KCNH1: variants seen among roughly 807,000 people sequenced by gnomAD.
KCNH1 encodes potassium voltage-gated channel subfamily H member 1, also known as voltage-gated delayed rectifier potassium channel KCNH1.
A neutral mutation model predicts 69.2 loss-of-function variants in KCNH1; 27 were observed. The ratio of observed to expected loss-of-function variants is 0.39; its 90% CI spans 0.29 to 0.54. KCNH1 has a LOEUF of 0.54. Among genes scored for constraint, KCNH1 ranks in the 20% least tolerant of loss-of-function variants. The probability of loss-of-function intolerance (pLI) is 0.68; values close to 1 mark genes in which losing one functional copy is unlikely to be tolerated. For missense variants in KCNH1, 798 were observed against 1,261.6 expected, an observed-to-expected ratio of 0.63 and a Z score of 5.57; for synonymous variants, 456 against 487.7, an observed-to-expected ratio of 0.93 and a Z score of 0.86.
chr1:210,892,455 C>T (rs1686770236), intron 7 of KCNH1, among the ~76,000 whole-genome samples: 1 of 152,132 alleles, frequency 6.6e-6, no homozygotes, highest in African/African-American at 2.4e-5. Context: ...CCTTCCTTGT[C>T]TCTCAGAGGC....
At chr1:211,049,619 T>A (rs1690157237) in intron 5 of KCNH1, among the ~76,000 whole-genome samples, 1 of 152,132 alleles carries the variant, frequency 6.6e-6, no homozygotes, top group African/African-American at 2.4e-5. Context: ...AGTTTCATAG[T>A]CAAAGTGCTC....
intron 7 of KCNH1, among the ~76,000 whole-genome samples, chr1:210,848,366 C>T (rs1362274384): frequency 6.6e-6 from 1 of 152,044 alleles, no homozygotes; most frequent in East Asian, 1.9e-4. Context: ...TTTCCTTGAC[C>T]CTTGTCTTTA....
intron 6 of KCNH1, among the ~76,000 whole-genome samples, chr1:211,015,208 T>C (rs1214668054): frequency 6.6e-6 from 1 of 152,172 alleles, no homozygotes; most frequent in Non-Finnish European, 1.5e-5. Context: ...CTCTACCACA[T>C]TCAGCCAAGC....
chr1:210,845,048 T>C (rs1167000221), intron 7 of KCNH1, among the ~76,000 whole-genome samples: 3 of 152,136 alleles, frequency 2.0e-5, no homozygotes, highest in Non-Finnish European at 4.4e-5. Context: ...AATCTCTGAA[T>C]AGACCAATAA....
intron 1 of KCNH1, among the ~76,000 whole-genome samples, chr1:211,120,165 T>C (rs1017718089): frequency 6.6e-6 from 1 of 152,026 alleles, no homozygotes. Context: ...AATCAATCCA[T>C]TGAATTGATT....
At chr1:210,740,098 CAG>C (rs771732934) in intron 10 of KCNH1, among the ~76,000 whole-genome samples, 1 of 152,098 alleles carries the variant, frequency 6.6e-6, no homozygotes, top group Non-Finnish European at 1.5e-5. Flanking sequence ...GAAACCTACT[CAG>C]GGATTTGAAG....
intron 7 of KCNH1, chr1:210,861,429 C>G: frequency 1.3e-6 from 1 of 776,706 alleles, no homozygotes; most frequent in Non-Finnish European, 2.4e-6. Flanking sequence ...TCATTATACT[C>G]CTAGGAAACA....
intron 10 of KCNH1, among the ~76,000 whole-genome samples, chr1:210,691,700 G>T (rs1681530681): frequency 6.6e-6 from 1 of 152,236 alleles, no homozygotes; most frequent in Non-Finnish European, 1.5e-5. Flanking sequence ...GGGAAGGCAA[G>T]AGGCCAAGAA....
intron 6 of KCNH1, among the ~76,000 whole-genome samples, chr1:210,972,122 G>T (rs115926931): frequency 0.011 from 1,676 of 152,002 alleles, 36 homozygotes; most frequent in African/African-American, 0.038. Context: ...AAACAGAGGG[G>T]TTTTTTTCCC....
In KCNH1 at chr1:210,924,971, C is replaced by A. The variant is rs1687538300; in HGVS notation, c.1033-4902G>T. 4.6e-5 allele frequency among the ~76,000 whole-genome samples: 7 copies of A among 152,116 alleles called. No individual in the cohort carries two copies. In the South Asian group the frequency reaches 1.5e-3, roughly 32 times the overall value. Reference sequence around the variant, plus strand: ...CAGATTAAAGCCAAAGTACCCTACCCAACTGATGCTATAGGACATACTTAC... The same window carrying A: ...CAGATTAAAGCCAAAGTACCCTACCAAACTGATGCTATAGGACATACTTAC... On this transcript the variant is annotated intron_variant, in intron 6 of 10. Transcript: ENST00000271751.
chr1:210,718,651 TACACACACACACACACAC>T (rs57407331), intron 10 of KCNH1, among the ~76,000 whole-genome samples: 76 of 75,560 alleles, frequency 1.0e-3, no homozygotes, highest in African/African-American at 2.2e-3. Context: ...CATATATATA[TACACACACACACACACAC>T]ACACACACAC....
At chr1:210,821,446 G>C (rs1353606734) in intron 7 of KCNH1, among the ~76,000 whole-genome samples, 1 of 152,110 alleles carries the variant, frequency 6.6e-6, no homozygotes, top group Non-Finnish European at 1.5e-5. Flanking sequence ...TAGAACAACA[G>C]GTCAGCGTAT....
At chr1:210,967,215 A>C (rs533379332) in intron 6 of KCNH1, among the ~76,000 whole-genome samples, 14 of 152,208 alleles carry the variant, frequency 9.2e-5, no homozygotes, top group African/African-American at 3.4e-4. Flanking sequence ...GGAGGAATAC[A>C]TAATGTAGAT....
chr1:210,710,565 G>T (rs1204456908), intron 10 of KCNH1, among the ~76,000 whole-genome samples: 1 of 152,132 alleles, frequency 6.6e-6, no homozygotes, highest in Non-Finnish European at 1.5e-5. Flanking sequence ...AAATTTTTCA[G>T]CTCCATTATA....
chr1:211,126,788 G>A (rs1210766045), intron 1 of KCNH1, among the ~76,000 whole-genome samples: 1 of 151,636 alleles, frequency 6.6e-6, no homozygotes, highest in Non-Finnish European at 1.5e-5. Context: ...ACCAATGGAT[G>A]AGCAACCCAA....
intron 5 of KCNH1, among the ~76,000 whole-genome samples, chr1:211,058,288 T>C (rs1219249095): frequency 6.6e-6 from 1 of 152,086 alleles, no homozygotes. Flanking sequence ...AACTCACTGG[T>C]AATAGTAAGT....
Position 210,770,019 on chromosome 1 carries a change from C to T in KCNH1, c.2112+5329G>A, listed in dbSNP as rs142474562. Among the ~76,000 whole-genome samples, 95 of 152,116 alleles carry T rather than the reference C, an allele frequency of 6.2e-4. 1 individual carries two copies. Among genetic ancestry groups the T allele is most frequent in the African/African-American group, 2.1e-3 (87 of 41,496 alleles). On this transcript the variant is annotated intron_variant, in intron 10 of 10. Transcript: ENST00000271751. ...TTCTCAATAAACCCAATTAGGGCAG[C>T]CATAAAAAAGAATGAGTTCATGTCC...
chr1:210,687,107 G>C (rs1681423529), intron 10 of KCNH1, among the ~76,000 whole-genome samples: 2 of 152,228 alleles, frequency 1.3e-5, no homozygotes, highest in Non-Finnish European at 2.9e-5. Context: ...AAAGGTCAGG[G>C]GCAGCCTCTG....
chr1:210,932,842 A>C (rs536698422), intron 6 of KCNH1, among the ~76,000 whole-genome samples: 6 of 152,292 alleles, frequency 3.9e-5, no homozygotes, highest in African/African-American at 1.2e-4. Context: ...CCAACACTGG[A>C]GCTCTCAGAT....
Sources: gnomAD v4.1 joint callset for allele counts (sites outside exome capture counted in the v4.1 genomes callset) on GRCh38, gnomAD v4.1.1 for gene constraint, MANE v1.5 for transcripts, NCBI Gene and HGNC (gene_info 2026-07-23, HGNC 2026-07-21) for gene names.